CTDSPL: variants seen among roughly 807,000 people sequenced by gnomAD.
The protein encoded by CTDSPL is CTD small phosphatase-like protein.
In CTDSPL, 8 loss-of-function variants were observed where a neutral mutation model predicts 30.5. The observed-to-expected ratio is 0.26, with a 90% CI of 0.15 to 0.47. CTDSPL has a LOEUF of 0.47. Ranked by LOEUF, CTDSPL falls within the 20% of genes least tolerant of loss-of-function variation. CTDSPL has a pLI of 0.99. For missense variants in CTDSPL, 248 were observed against 366.1 expected, an observed-to-expected ratio of 0.68 and a Z score of 2.63; for synonymous variants, 110 against 137.9, an observed-to-expected ratio of 0.80 and a Z score of 1.42.
chr3:37,902,565 A>G (rs771429777), intron 1 of CTDSPL, among the ~76,000 whole-genome samples: 4 of 152,058 alleles, frequency 2.6e-5, no homozygotes, highest in Non-Finnish European at 4.4e-5. Context: ...TCCCCTCCCT[A>G]GGGATTCCTC....
chr3:37,971,167 C>T (rs1233126347), intron 5 of CTDSPL, among the ~76,000 whole-genome samples: 4 of 152,228 alleles, frequency 2.6e-5, no homozygotes, highest in Non-Finnish European at 5.9e-5. Flanking sequence ...CCATGGTCAG[C>T]TTCTCTTTTT....
At position 37,940,872 on chromosome 3, in the gene CTDSPL, T is replaced by C. The variant is rs566608749; in HGVS notation, c.80-6185T>C. ...GTAACTGGTGCTTTGAAGATACGGG[T>C]TCTTGCTGCTGGGCCAGCACTCTGC... is the stretch of plus-strand genomic sequence containing the variant. On this transcript the variant is annotated intron_variant, in intron 1 of 7. Transcript: ENST00000273179. Among the ~76,000 whole-genome samples the C allele has an allele frequency of 2.0e-5, 3 of 150,470 alleles. No homozygotes were observed. In the South Asian group the frequency reaches 6.5e-4, roughly 32 times the overall value.
chr3:37,965,245 C>T (rs949165622), intron 4 of CTDSPL, among the ~76,000 whole-genome samples: 2 of 152,130 alleles, frequency 1.3e-5, no homozygotes, highest in Non-Finnish European at 2.9e-5. Flanking sequence ...GAGTACCCAC[C>T]TTCAGGACTT....
At chr3:37,965,444 A>G (rs1699289877) in intron 4 of CTDSPL, among the ~76,000 whole-genome samples, 1 of 152,188 alleles carries the variant, frequency 6.6e-6, no homozygotes, top group African/African-American at 2.4e-5. Context: ...GCAAATGATG[A>G]AAAGTTTGGA....
chr3:37,930,008 G>T (rs1190245222), intron 1 of CTDSPL, among the ~76,000 whole-genome samples: 2 of 151,952 alleles, frequency 1.3e-5, no homozygotes, highest in Admixed American at 1.3e-4. Flanking sequence ...TCAGGAGGCT[G>T]AGGCAGGAGA....
Position 37,969,639 on chromosome 3 carries a change from C to T in CTDSPL, c.426+1757C>T, listed in dbSNP as rs114514890. ...GAGGACTACAGGCCACACCCGTTTG[C>T]TGGCAACGAGGAGTCTTGTGGGCAA... On this transcript the variant is annotated intron_variant, in intron 5 of 7. Coordinates refer to ENST00000273179, the MANE Select transcript of CTDSPL (RefSeq NM_001008392.2). 3.5e-3 allele frequency among the ~76,000 whole-genome samples: 535 copies of T among 152,340 alleles called. 3 individuals carry two copies. Among genetic ancestry groups the T allele is most frequent in the African/African-American group, 0.012 (503 of 41,576 alleles).
At chr3:37,907,651 C>T (rs755509717) in intron 1 of CTDSPL, among the ~76,000 whole-genome samples, 16 of 151,904 alleles carry the variant, frequency 1.1e-4, no homozygotes, top group Non-Finnish European at 2.2e-4. Flanking sequence ...AGGAACTGTA[C>T]GTGTATCAGT....
chr3:37,957,020 G>C (rs1434822521), intron 2 of CTDSPL, 91 bp from the exon 3 acceptor site: 3 of 1,019,916 alleles, frequency 2.9e-6, no homozygotes, highest in Non-Finnish European at 3.0e-6. Flanking sequence ...AGATCATGCA[G>C]CTGCTGTGCT....
In CTDSPL at chr3:37,934,379, A is replaced by G. The variant is rs866078721; in HGVS notation, c.80-12678A>G. 6.6e-5 allele frequency among the ~76,000 whole-genome samples: 10 copies of G among 152,250 alleles called. No individual in the cohort carries two copies. In the South Asian group the frequency reaches 1.0e-3, roughly 16 times the overall value. Reference sequence around the variant, plus strand: ...AAAGATGGTACAATGATATCTCATGATATGTGAAAATGTTTACATTTTATT... The same window carrying G: ...AAAGATGGTACAATGATATCTCATGGTATGTGAAAATGTTTACATTTTATT... On this transcript the variant is annotated intron_variant, in intron 1 of 7. Transcript: ENST00000273179.
At chr3:37,964,473 G>A (rs1482308337) in intron 3 of CTDSPL, 98 bp from the exon 4 acceptor site, 3 of 757,982 alleles carry the variant, frequency 4.0e-6, no homozygotes, top group Middle Eastern at 2.4e-4. Flanking sequence ...CCCATTATAC[G>A]CTTGACCAGG....
chr3:37,931,306 A>C (rs1270810376), intron 1 of CTDSPL, among the ~76,000 whole-genome samples: 1 of 151,702 alleles, frequency 6.6e-6, no homozygotes, highest in East Asian at 1.9e-4. Flanking sequence ...CTCCACTTCA[A>C]CTAGCCAACT....
intron 1 of CTDSPL, among the ~76,000 whole-genome samples, chr3:37,939,067 A>G (rs1281963693): frequency 1.3e-5 from 2 of 150,290 alleles, no homozygotes; most frequent in Admixed American, 1.3e-4. Flanking sequence ...CACATAACCA[A>G]AAACAAAATG....
intron 1 of CTDSPL, among the ~76,000 whole-genome samples, chr3:37,894,514 T>G (rs757996330): frequency 5.3e-5 from 8 of 152,214 alleles, no homozygotes; most frequent in Non-Finnish European, 7.3e-5. Context: ...ATGTATAATT[T>G]TCCTTTGGCT....
chr3:37,883,055 C>G (rs1200973306), intron 1 of CTDSPL, among the ~76,000 whole-genome samples: 1 of 152,168 alleles, frequency 6.6e-6, no homozygotes, highest in African/African-American at 2.4e-5. Flanking sequence ...CCAGTTCTAC[C>G]TTGTTATCAT....
rs753262642 is a variant in CTDSPL at position 37,980,899 on chromosome 3, C to T, written c.*32C>T. On this transcript the variant is annotated 3_prime_UTR_variant, in exon 8 of 8. Coordinates refer to ENST00000273179, the MANE Select transcript of CTDSPL (RefSeq NM_001008392.2). ...CCTCTGCCTGCCTCCCGCCTGTGCACTCTGGAACCTCTGGCCTCAGGGGAC... is the reference window on the plus strand; with the variant it reads ...CCTCTGCCTGCCTCCCGCCTGTGCATTCTGGAACCTCTGGCCTCAGGGGAC... 6.2e-6 allele frequency: 10 copies of T among 1,600,718 alleles called. 1 individual carries two copies. The South Asian group carries it at 1.0e-4, about 16-fold the overall frequency.
At chr3:37,973,323 A>T (rs1292271211) in intron 6 of CTDSPL, among the ~76,000 whole-genome samples, 1 of 152,240 alleles carries the variant, frequency 6.6e-6, no homozygotes. Flanking sequence ...AGATTGCACC[A>T]ATAGCAGTGA....
intron 1 of CTDSPL, among the ~76,000 whole-genome samples, chr3:37,892,565 GTT>G (rs534446014): frequency 2.7e-5 from 4 of 147,952 alleles, no homozygotes; most frequent in African/African-American, 9.9e-5. Flanking sequence ...AATATGACAA[GTT>G]TTTTTTTTTA....
chr3:37,932,562 C>G (rs1206010584), intron 1 of CTDSPL, among the ~76,000 whole-genome samples: 1 of 152,106 alleles, frequency 6.6e-6, no homozygotes, highest in African/African-American at 2.4e-5. Context: ...CCAAAATGCA[C>G]AAAAGAGATG....
rs1699531523 is a variant in CTDSPL, at chr3:37,984,435, T to C, written c.*3568T>C. ...TGTCAATCAAAAGGTTTGCAATGAT[T>C]TCCTTCCTGCCAAAAATAAACATGT... On this transcript the variant is annotated 3_prime_UTR_variant, in exon 8 of 8. Transcript: ENST00000273179. 1 of 394,584 alleles carries C rather than the reference T, an allele frequency of 2.5e-6. No individual in the cohort carries two copies. Among genetic ancestry groups the C allele is most frequent in the African/African-American group, 2.1e-5 (1 of 48,368 alleles). The allele number at this position is 394,584 out of a possible 1,614,324, so 24.4% of individuals were successfully genotyped here.
Sources: allele counts gnomAD v4.1 joint callset (sites outside exome capture counted in the v4.1 genomes callset), GRCh38; gene constraint gnomAD v4.1.1; transcripts MANE v1.5; gene names NCBI Gene and HGNC (gene_info 2026-07-23, HGNC 2026-07-21).